WNT11: variants seen among roughly 807,000 people sequenced by gnomAD.
WNT11 encodes the protein Wnt family member 11.
In WNT11, 20 loss-of-function variants were observed where a neutral mutation model predicts 35.6. That is an observed-to-expected ratio of 0.56 (90% CI 0.40 to 0.82). The LOEUF is 0.82. WNT11 is among the 40% of genes least tolerant of loss of function. The probability of loss-of-function intolerance (pLI) is 0.00; values close to 1 mark genes in which losing one functional copy is unlikely to be tolerated. For missense variants in WNT11, 459 were observed against 504.4 expected (o/e 0.91, Z 0.86); for synonymous variants, 200 against 211.9 (o/e 0.94, Z 0.49).
chr11:76,189,066 C>G (rs749460622), intron 4 of WNT11, among the ~76,000 whole-genome samples: 2 of 152,224 alleles, frequency 1.3e-5, no homozygotes, highest in Non-Finnish European at 2.9e-5. Flanking sequence ...CAGAGCTGGA[C>G]AGACCTGGGT....
chr11:76,187,304 C>T, intron 4 of WNT11, 65 bp from the exon 5 acceptor site: 1 of 1,483,692 alleles, frequency 6.7e-7, no homozygotes, highest in Non-Finnish European at 9.0e-7. Flanking sequence ...CACCCCATGA[C>T]TCCCAGCCAG....
chr11:76,187,036 C>T lies in WNT11; in HGVS notation c.*29G>A, dbSNP rs780964935. 38 of 1,605,476 alleles carry T rather than the reference C, an allele frequency of 2.4e-5. No individual in the cohort carries two copies. The highest frequency in any genetic ancestry group is 3.0e-5 in the Non-Finnish European group (35 of 1,179,682). On this transcript the variant is annotated 3_prime_UTR_variant, in exon 5 of 5. Transcript: ENST00000322563. ...GCTGAGGGTCCTTGAGCAGAGTCCT[C>T]GCTCCTGCGTGGGGCGGAGGGCAGG... is the stretch of plus-strand genomic sequence containing the variant.
rs555470860 is a variant in WNT11 at position 76,188,279 on chromosome 11, G to A, written c.891-1040C>T. 3.9e-5 allele frequency among the ~76,000 whole-genome samples: 6 copies of A among 152,344 alleles called. No individual in the cohort carries two copies. The South Asian group carries it at 1.2e-3, about 32-fold the overall frequency. On this transcript the variant is annotated intron_variant, in intron 4 of 4. Coordinates refer to ENST00000322563, the MANE Select transcript of WNT11 (RefSeq NM_004626.3). ...ACGTCCATTATGCAGATGAAAACAG[G>A]CTCAGCAAAGGGCAGAGGCTTAAAC...
At chr11:76,193,529 TG>T in intron 3 of WNT11, among the ~76,000 whole-genome samples, 3 of 152,370 alleles carry the variant, frequency 2.0e-5, no homozygotes, top group Admixed American at 2.0e-4. Context: ...GCAGGAGTCC[TG>T]AGTCCCTGGC....
chr11:76,189,877 G>T (rs1327137020), intron 4 of WNT11, among the ~76,000 whole-genome samples: 2 of 152,206 alleles, frequency 1.3e-5, no homozygotes, highest in Non-Finnish European at 2.9e-5. Flanking sequence ...TGCAGCAAAA[G>T]CCAACTAATA....
At position 76,186,821 on chromosome 11, in the gene WNT11, G is replaced by A. The variant is rs139381501; in HGVS notation, c.*244C>T. On this transcript the variant is annotated 3_prime_UTR_variant, in exon 5 of 5. Transcript: ENST00000322563. ...TACACCAGCCTGTGGGCACTCCAGA[G>A]CCTCAGGCTGCCAAGTTATTTTTAA... 8.9e-4 allele frequency: 572 copies of A among 640,184 alleles called. No homozygotes were observed. The highest frequency in any genetic ancestry group is 1.0e-3 in the Non-Finnish European group (365 of 350,516). The allele number at this position is 640,184 out of a possible 1,614,324, so 39.7% of individuals were successfully genotyped here. A position where few individuals can be genotyped will look rare whatever the true frequency, so the allele number is the denominator to read the frequency against.
chr11:76,204,599 C>T (rs993743884), intron 1 of WNT11, among the ~76,000 whole-genome samples: 1 of 152,176 alleles, frequency 6.6e-6, no homozygotes, highest in Non-Finnish European at 1.5e-5. Flanking sequence ...GACCATAGTC[C>T]ACTTTGTATT....
intron 2 of WNT11, chr11:76,195,057 T>C: frequency 1.7e-6 from 1 of 587,158 alleles, no homozygotes; most frequent in Non-Finnish European, 2.9e-6. Flanking sequence ...CCCACAGGCA[T>C]GCCCTCACCC....
Position 76,186,952 on chromosome 11 carries a change from G to A in WNT11, c.*113C>T. 1 of 1,515,282 alleles carries A rather than the reference G, an allele frequency of 6.6e-7. No homozygotes were observed. The highest frequency in any genetic ancestry group is 8.9e-7 in the Non-Finnish European group (1 of 1,118,392). The allele number at this position is 1,515,282 out of a possible 1,614,324, so 93.9% of individuals were successfully genotyped here. On this transcript the variant is annotated 3_prime_UTR_variant, in exon 5 of 5. Coordinates refer to ENST00000322563, the MANE Select transcript of WNT11 (RefSeq NM_004626.3). ...AAAGCACAAGCCGCCTCCCATGCCT[G>A]GCATCTGGAATTCACAAGCAGAGCT...
In WNT11 at chr11:76,206,461, C is replaced by T; in HGVS notation, c.-54G>A. ...CACCCAGGAGGAGCCGCGCCGAAGT[C>T]CTCCGCCTGCACGGCCGCCGCTGGT... On this transcript the variant is annotated 5_prime_UTR_variant, in exon 1 of 5. Coordinates refer to ENST00000322563, the MANE Select transcript of WNT11 (RefSeq NM_004626.3). The T allele has an allele frequency of 7.4e-7, 1 of 1,345,694 alleles. No individual in the cohort carries two copies. The highest frequency in any genetic ancestry group is 9.5e-7 in the Non-Finnish European group (1 of 1,050,020). 83.4% of individuals were successfully genotyped at this position (1,345,694 alleles called of 1,614,324 possible). A position where few individuals can be genotyped will look rare whatever the true frequency, so the allele number is the denominator to read the frequency against.
chr11:76,204,000 T>C (rs1270584898), intron 1 of WNT11, among the ~76,000 whole-genome samples: 2 of 152,192 alleles, frequency 1.3e-5, no homozygotes. Flanking sequence ...AGTCTCTGTT[T>C]CCTCTTCTGT....
chr11:76,209,160 G>C (rs904767063), upstream of WNT11, among the ~76,000 whole-genome samples: 3 of 152,150 alleles, frequency 2.0e-5, no homozygotes, highest in African/African-American at 7.2e-5. Flanking sequence ...CCCTTGCTTG[G>C]GGCCGGGCGC....
intron 4 of WNT11, 46 bp downstream of exon 4, chr11:76,191,518 T>C (rs1357316741): frequency 6.3e-7 from 1 of 1,583,566 alleles, no homozygotes; most frequent in East Asian, 2.2e-5. Flanking sequence ...GAACAGTATG[T>C]GCAACACCAG....
chr11:76,209,341 T>C (rs1206178379), upstream of WNT11, among the ~76,000 whole-genome samples: 1 of 152,156 alleles, frequency 6.6e-6, no homozygotes, highest in Non-Finnish European at 1.5e-5. Flanking sequence ...CAGATGGTCA[T>C]AGGCCCGGTC....
At chr11:76,191,517 G>A in intron 4 of WNT11, 47 bp downstream of exon 4, 2 of 1,582,026 alleles carry the variant, frequency 1.3e-6, no homozygotes, top group Non-Finnish European at 1.7e-6. Flanking sequence ...GGAACAGTAT[G>A]TGCAACACCA....
Position 76,206,401 on chromosome 11 carries a change from C to T in WNT11, c.7G>A (p.Ala3Thr). Reference sequence around the variant, plus strand: ...AGCGCCTCGCAGACCTGCGGCCGCGCCCTCATCGTCGCGCGGCGGGCGCGC... The same window carrying T: ...AGCGCCTCGCAGACCTGCGGCCGCGTCCTCATCGTCGCGCGGCGGGCGCGC... MR[A>T]RPQVCEALLF... Residue 3 changes from alanine (A) to threonine (T), a missense_variant, in exon 1 of 5, where the codon GCG (alanine) becomes ACG (threonine). Transcript: ENST00000322563. The T allele has an allele frequency of 6.6e-7, 1 of 1,520,078 alleles. No homozygotes were observed. The highest frequency in any genetic ancestry group is 1.2e-5 in the South Asian group (1 of 80,866). 94.2% of individuals were successfully genotyped at this position (1,520,078 alleles called of 1,614,324 possible).
At chr11:76,196,900 C>T (rs141385360) in intron 1 of WNT11, among the ~76,000 whole-genome samples, 182 bp from the exon 2 acceptor site, 2 of 152,370 alleles carry the variant, frequency 1.3e-5, no homozygotes, top group East Asian at 1.9e-4. Flanking sequence ...ATCCCCCTCA[C>T]ACCCCATGTG....
Position 76,194,640 on chromosome 11 carries a change from G to A in WNT11, c.524C>T (p.Pro175Leu). The A allele has an allele frequency of 6.4e-7, 1 of 1,550,678 alleles. No homozygotes were observed. The highest frequency in any genetic ancestry group is 8.7e-7 in the Non-Finnish European group (1 of 1,146,948). The part of the protein sequence containing the change: ...LLMGAKFSDA[P>L]MKVKKTGSQA... Reference sequence around the variant, plus strand: ...GGATCCTGTTTTTTTCACCTTCATAGGAGCATCGGAAAACTTGGCCCCCAT... The same window carrying A: ...GGATCCTGTTTTTTTCACCTTCATAAGAGCATCGGAAAACTTGGCCCCCAT... The change falls in exon 3 of 5, where the codon CCT becomes CTT. Residue 175 changes from proline (P) to leucine (L), a missense_variant. By Grantham distance (98) the Pro-to-Leu change is moderately conservative. Coordinates refer to ENST00000322563, the MANE Select transcript of WNT11 (RefSeq NM_004626.3). The surrounding 1 kb of genome is among the most constrained non-coding windows in gnomAD (Gnocchi z 5.4).
chr11:76,197,025 TTCACAAAGC>T (rs1953299124), intron 1 of WNT11, among the ~76,000 whole-genome samples: 2 of 152,192 alleles, frequency 1.3e-5, no homozygotes, highest in African/African-American at 2.4e-5. Flanking sequence ...AGCTGTACAG[TTCACAAAGC>T]TCACCTCCAC....
Sources: gnomAD v4.1 joint callset for allele counts (sites outside exome capture counted in the v4.1 genomes callset) on GRCh38, gnomAD v4.1.1 for gene constraint, Gnocchi (gnomAD v3.1) non-coding constraint, MANE v1.5 for transcripts, NCBI Gene and HGNC (gene_info 2026-07-23, HGNC 2026-07-21) for gene names.